Variants in MTHFD1L observed in about 807,000 individuals in gnomAD.
MTHFD1L encodes the protein monofunctional C1-tetrahydrofolate synthase, mitochondrial.
In MTHFD1L, 81 loss-of-function variants were observed where a neutral mutation model predicts 119.5. That is an observed-to-expected ratio of 0.68 (90% confidence interval 0.57 to 0.82). The LOEUF (loss-of-function observed/expected upper bound fraction) is 0.82. MTHFD1L is among the 40% of genes least tolerant of loss of function. The probability of loss-of-function intolerance (pLI) is 0.00; values close to 1 mark genes in which losing one functional copy is unlikely to be tolerated. For synonymous variants in MTHFD1L, 430 were observed against 475.2 expected, an observed-to-expected ratio of 0.90 and a Z score of 1.24; for missense variants, 1,125 against 1,253.4, an observed-to-expected ratio of 0.90 and a Z score of 1.55.
intron 7 of MTHFD1L, 110 bp from the exon 8 acceptor site, chr6:150,905,540 G>A: frequency 1.3e-6 from 1 of 757,064 alleles, no homozygotes; most frequent in South Asian, 1.6e-5. Flanking sequence ...TCAGCAGCTT[G>A]GAACAAAGCT....
At position 150,960,390 on chromosome 6, in the gene MTHFD1L, G is replaced by C. The variant is rs771054163; in HGVS notation, c.1919G>C (p.Gly640Ala). 8.1e-6 allele frequency: 13 copies of C among 1,612,246 alleles called. No individual in the cohort carries two copies. Among genetic ancestry groups the C allele is most frequent in the Middle Eastern group, 1.7e-4 (1 of 6,050 alleles). Reference protein sequence around the residue: ...GRMVVASDKSGQPVTADDLGV... With the variant: ...GRMVVASDKSAQPVTADDLGV... ...ATGGTGGTGGCCAGTGACAAAAGCGGGCAGCCTGTGACAGCAGATGATTTG... is the reference window on the plus strand; with the variant it reads ...ATGGTGGTGGCCAGTGACAAAAGCGCGCAGCCTGTGACAGCAGATGATTTG... Residue 640 changes from glycine (G) to alanine (A), a missense_variant, in exon 18 of 28, where the codon GGG becomes GCG. Coordinates refer to ENST00000367321, the MANE Select transcript of MTHFD1L (RefSeq NM_015440.5).
At chr6:151,002,750 A>G (rs531984299) in intron 20 of MTHFD1L, among the ~76,000 whole-genome samples, 61 of 152,350 alleles carry the variant, frequency 4.0e-4, no homozygotes, top group Admixed American at 2.4e-3. Context: ...ATCTTGCACA[A>G]TCTTTCTGCC....
chr6:151,001,651 G>T (rs1780639532), intron 20 of MTHFD1L, among the ~76,000 whole-genome samples: 1 of 152,166 alleles, frequency 6.6e-6, no homozygotes, highest in South Asian at 2.1e-4. Flanking sequence ...ACTCGGCTGG[G>T]AGTGGGTAAA....
chr6:150,883,949 C>G (rs897999058), intron 5 of MTHFD1L, among the ~76,000 whole-genome samples: 1 of 152,076 alleles, frequency 6.6e-6, no homozygotes, highest in Non-Finnish European at 1.5e-5. Context: ...CAGCAATCTT[C>G]CATTCTAGCC....
intron 7 of MTHFD1L, 27 bp downstream of exon 7, chr6:150,888,008 C>G: frequency 3.2e-6 from 5 of 1,578,204 alleles, no homozygotes; most frequent in Non-Finnish European, 4.3e-6. Flanking sequence ...AAACATACAT[C>G]TTGAAGGCTT....
intron 26 of MTHFD1L, among the ~76,000 whole-genome samples, chr6:151,050,394 T>C (rs1788835521): frequency 6.6e-6 from 1 of 152,172 alleles, no homozygotes; most frequent in South Asian, 2.1e-4. Flanking sequence ...ACTCCTGACC[T>C]TAGGTGACCC....
chr6:150,880,370 C>T (rs893654856), intron 4 of MTHFD1L, among the ~76,000 whole-genome samples: 21 of 152,200 alleles, frequency 1.4e-4, no homozygotes, highest in Admixed American at 3.9e-4. Flanking sequence ...TGCCTTTCTG[C>T]ACCTGGCTTA....
intron 26 of MTHFD1L, among the ~76,000 whole-genome samples, chr6:151,079,966 G>A (rs1792974993): frequency 1.3e-5 from 2 of 151,428 alleles, no homozygotes; most frequent in African/African-American, 2.4e-5. Context: ...CCTAAGGTCA[G>A]GAGTTCAAGA....
At chr6:150,975,974 G>T (rs7738807) in intron 20 of MTHFD1L, among the ~76,000 whole-genome samples, 68,637 of 152,024 alleles carry the variant, frequency 0.45, 16,481 homozygotes, top group South Asian at 0.56. Flanking sequence ...AAGGCGGGTG[G>T]ATCACCTGAG....
At chr6:150,934,768 T>G (rs1240945678) in intron 11 of MTHFD1L, among the ~76,000 whole-genome samples, 1 of 152,200 alleles carries the variant, frequency 6.6e-6, no homozygotes, top group East Asian at 1.9e-4. Flanking sequence ...TGACAGCCTT[T>G]AAATTTTTTA....
intron 26 of MTHFD1L, among the ~76,000 whole-genome samples, chr6:151,076,774 C>T (rs1190607379): frequency 1.3e-5 from 2 of 151,876 alleles, no homozygotes; most frequent in African/African-American, 2.4e-5. Flanking sequence ...AATTTGGGGT[C>T]GTTTCTTAAA....
intron 12 of MTHFD1L, among the ~76,000 whole-genome samples, chr6:150,937,770 G>A (rs1289789894): frequency 6.6e-6 from 1 of 152,086 alleles, no homozygotes; most frequent in Non-Finnish European, 1.5e-5. Flanking sequence ...AAAATGCTGA[G>A]AGCGGCACCA....
chr6:150,981,087 C>T (rs530977884), intron 20 of MTHFD1L, among the ~76,000 whole-genome samples: 4 of 151,890 alleles, frequency 2.6e-5, no homozygotes, highest in East Asian at 1.9e-4. Flanking sequence ...CATATGAATT[C>T]GAAGGAAAAA....
At chr6:150,936,115 T>C (rs900416560) in intron 11 of MTHFD1L, among the ~76,000 whole-genome samples, 1 of 152,188 alleles carries the variant, frequency 6.6e-6, no homozygotes, top group African/African-American at 2.4e-5. Flanking sequence ...AGGACTGTCA[T>C]ATGGAAAGGG....
At chr6:151,030,894 A>G (rs985319481) in intron 24 of MTHFD1L, among the ~76,000 whole-genome samples, 2 of 152,216 alleles carry the variant, frequency 1.3e-5, no homozygotes, top group Admixed American at 6.5e-5. Context: ...AATCTTTTAC[A>G]TTAGAAGTTG....
intron 20 of MTHFD1L, among the ~76,000 whole-genome samples, chr6:151,001,258 T>A (rs1780583352): frequency 6.6e-6 from 1 of 152,198 alleles, no homozygotes; most frequent in Non-Finnish European, 1.5e-5. Flanking sequence ...CTAATTTCTT[T>A]ATCTTCTGAG....
chr6:151,074,635 G>A (rs563562913), intron 26 of MTHFD1L, among the ~76,000 whole-genome samples: 3 of 152,290 alleles, frequency 2.0e-5, no homozygotes, highest in South Asian at 4.1e-4. Flanking sequence ...AAAACAAACC[G>A]TGTATACAAC....
At chr6:151,053,260 T>C (rs1789362107) in intron 26 of MTHFD1L, among the ~76,000 whole-genome samples, 2 of 152,184 alleles carry the variant, frequency 1.3e-5, no homozygotes, top group African/African-American at 4.8e-5. Flanking sequence ...TTATCTTTGC[T>C]CTGTTTTTTT....
intron 1 of MTHFD1L, among the ~76,000 whole-genome samples, chr6:150,873,545 A>G (rs925073518): frequency 6.6e-6 from 1 of 152,158 alleles, no homozygotes; most frequent in African/African-American, 2.4e-5. Flanking sequence ...ACGCTAGTAA[A>G]TGAAATGCCC....
Sources: gnomAD v4.1 joint callset for allele counts (sites outside exome capture counted in the v4.1 genomes callset) on GRCh38, gnomAD v4.1.1 for gene constraint, MANE v1.5 for transcripts, NCBI Gene and HGNC (gene_info 2026-07-23, HGNC 2026-07-21) for gene names.